SLC66A3: variants seen among roughly 807,000 people sequenced by gnomAD.
SLC66A3 encodes solute carrier family 66 member 3, also known as PQ loop repeat containing 3.
Under a neutral mutation model 25.5 loss-of-function variants are expected in SLC66A3, and 23 were observed. The ratio of observed to expected loss-of-function variants is 0.90; its 90% confidence interval spans 0.65 to 1.28. SLC66A3 has a LOEUF of 1.28. SLC66A3 is among the 50% of genes most tolerant of loss of function. SLC66A3 has a pLI of 0.00. For missense variants in SLC66A3, 246 were observed against 262.1 expected, an observed-to-expected ratio of 0.94 and a Z score of 0.42; for synonymous variants, 108 against 112.6, an observed-to-expected ratio of 0.96 and a Z score of 0.26.
At chr2:11,159,013 T>C (rs999441475) in intron 1 of SLC66A3, among the ~76,000 whole-genome samples, 3 of 152,162 alleles carry the variant, frequency 2.0e-5, no homozygotes, top group Non-Finnish European at 2.9e-5. Context: ...TTGGTGTCTA[T>C]GGGCCTCCAT....
intron 5 of SLC66A3, among the ~76,000 whole-genome samples, chr2:11,173,063 A>G (rs10205022): frequency 6.6e-6 from 1 of 152,040 alleles, no homozygotes; most frequent in Non-Finnish European, 1.5e-5. Flanking sequence ...AGTTTTCACC[A>G]TGTTGGCCAG....
rs770442684 is a variant in SLC66A3 at position 11,160,419 on chromosome 2, G to A, written c.144-47G>A. 4 of 1,563,636 alleles carry A rather than the reference G, an allele frequency of 2.6e-6. No homozygotes were observed. The East Asian group carries it at 9.0e-5, about 35-fold the overall frequency. On this transcript the variant is annotated intron_variant, in intron 1 of 6. Coordinates refer to ENST00000295083, the MANE Select transcript of SLC66A3 (RefSeq NM_152391.5). ...TTCTGGTGCCTGCCAGGCCCCGACA[G>A]CTGCGTTTTGGGGCAGCCGTGTGGA...
chr2:11,159,831 T>G (rs11891302), intron 1 of SLC66A3, among the ~76,000 whole-genome samples: 44,883 of 152,054 alleles, frequency 0.3, 7,803 homozygotes, highest in East Asian at 0.5. Context: ...CTTCTGAGAA[T>G]GTGGGACCCT....
At chr2:11,177,042 C>T (rs1484709147) in intron 6 of SLC66A3, among the ~76,000 whole-genome samples, 1 of 152,228 alleles carries the variant, frequency 6.6e-6, no homozygotes, top group East Asian at 1.9e-4. Flanking sequence ...ATGCCTTGTC[C>T]TGTGGGCCAG....
chr2:11,163,688 C>T (rs1662204984), intron 3 of SLC66A3, among the ~76,000 whole-genome samples: 1 of 152,154 alleles, frequency 6.6e-6, no homozygotes, highest in Non-Finnish European at 1.5e-5. Context: ...GGCCTCTATT[C>T]CCGTGGCGTC....
chr2:11,166,354 G>A (rs1662342283), intron 4 of SLC66A3, among the ~76,000 whole-genome samples: 1 of 152,138 alleles, frequency 6.6e-6, no homozygotes, highest in South Asian at 2.1e-4. Context: ...ACCTCTCCAA[G>A]GTGACAGAAG....
chr2:11,172,667 TG>T, intron 5 of SLC66A3: 1 of 356,752 alleles, frequency 2.8e-6, no homozygotes, highest in Non-Finnish European at 5.9e-6. Flanking sequence ...TCTCCATCCA[TG>T]GTTGCTGGTC....
intron 6 of SLC66A3, among the ~76,000 whole-genome samples, chr2:11,176,590 G>A (rs1662756194): frequency 8.6e-6 from 1 of 116,104 alleles, no homozygotes; most frequent in African/African-American, 3.0e-5. Flanking sequence ...GTGCAGTGGC[G>A]GGATCTCGGC....
intron 4 of SLC66A3, among the ~76,000 whole-genome samples, chr2:11,165,913 G>A (rs552315977): frequency 5.3e-5 from 8 of 152,360 alleles, no homozygotes; most frequent in Non-Finnish European, 8.8e-5. Flanking sequence ...GCACTCGGCA[G>A]GCTGAGGCAG....
At chr2:11,160,872 C>G (rs1265888723) in intron 3 of SLC66A3, 178 bp downstream of exon 3, 1 of 1,032,268 alleles carries the variant, frequency 9.7e-7, no homozygotes, top group Middle Eastern at 2.9e-4. Flanking sequence ...CAGTACAGCC[C>G]CTGCTGCTCC....
At chr2:11,173,341 A>G (rs1464575049) in intron 5 of SLC66A3, among the ~76,000 whole-genome samples, 4 of 152,076 alleles carry the variant, frequency 2.6e-5, no homozygotes, top group African/African-American at 9.7e-5. Flanking sequence ...CCATTTTTTA[A>G]TTGGGTCATT....
At chr2:11,169,644 C>T (rs374824515) in intron 4 of SLC66A3, among the ~76,000 whole-genome samples, 3 of 151,936 alleles carry the variant, frequency 2.0e-5, no homozygotes, top group South Asian at 2.1e-4. Flanking sequence ...CAGCACACAC[C>T]GCACAGCCAA....
chr2:11,169,748 C>T (rs1487870309), intron 4 of SLC66A3, among the ~76,000 whole-genome samples: 1 of 151,570 alleles, frequency 6.6e-6, no homozygotes, highest in Non-Finnish European at 1.5e-5. Context: ...CTCCCACCTT[C>T]ATCTTAATGT....
chr2:11,157,019 G>T (rs1661930173), intron 1 of SLC66A3, among the ~76,000 whole-genome samples: 1 of 152,220 alleles, frequency 6.6e-6, no homozygotes, highest in East Asian at 1.9e-4. Flanking sequence ...CTGAGCTGGG[G>T]AAGCTGAAGC....
intron 4 of SLC66A3, among the ~76,000 whole-genome samples, chr2:11,169,966 G>T (rs1274335907): frequency 6.7e-6 from 1 of 150,350 alleles, no homozygotes; most frequent in Non-Finnish European, 1.5e-5. Flanking sequence ...AGCCTCCCGA[G>T]TAGCTGGGAC....
At chr2:11,164,888 A>G (rs926060973) in intron 4 of SLC66A3, among the ~76,000 whole-genome samples, 1 of 152,370 alleles carries the variant, frequency 6.6e-6, no homozygotes, top group African/African-American at 2.4e-5. Context: ...CCAAGGCAGA[A>G]GAATTTTTCT....
chr2:11,165,798 G>A (rs568120409), intron 4 of SLC66A3, among the ~76,000 whole-genome samples: 2 of 152,218 alleles, frequency 1.3e-5, no homozygotes, highest in Non-Finnish European at 2.9e-5. Context: ...CAGATCACTC[G>A]CGGTTAGGGG....
At chr2:11,162,574 G>C (rs1213885884) in intron 3 of SLC66A3, among the ~76,000 whole-genome samples, 2 of 152,076 alleles carry the variant, frequency 1.3e-5, no homozygotes, top group African/African-American at 4.8e-5. Context: ...AAAGAATAGG[G>C]TTACCATATT....
intron 1 of SLC66A3, 109 bp from the exon 2 acceptor site, chr2:11,160,357 A>G: frequency 1.2e-6 from 1 of 865,824 alleles, no homozygotes. Context: ...GCGTGTCCAC[A>G]CCCCCACTGC....
Sources: allele counts gnomAD v4.1 joint callset (sites outside exome capture counted in the v4.1 genomes callset), GRCh38; gene constraint gnomAD v4.1.1; transcripts MANE v1.5; gene names NCBI Gene and HGNC (gene_info 2026-07-23, HGNC 2026-07-21).